TAF1C: variants seen among roughly 807,000 people sequenced by gnomAD.
TAF1C encodes TATA-box binding protein associated factor, RNA polymerase I subunit C.
Under a neutral mutation model 70.5 loss-of-function variants are expected in TAF1C, and 79 were observed. The ratio of observed to expected loss-of-function variants is 1.12; its 90% CI spans 0.93 to 1.35. The LOEUF (loss-of-function observed/expected upper bound fraction) is 1.35. Ranked by LOEUF, TAF1C falls within the 40% of genes most tolerant of loss-of-function variation. The pLI, the probability that TAF1C is intolerant of heterozygous loss-of-function variation, is 0.00. For synonymous variants in TAF1C, 614 were observed against 491.1 expected, an observed-to-expected ratio of 1.25 and a Z score of -3.31; for missense variants, 1,412 against 1,127.8, an observed-to-expected ratio of 1.25 and a Z score of -3.61.
chr16:84,185,967 A>G (rs983767968), intron 1 of TAF1C, among the ~76,000 whole-genome samples: 1 of 152,254 alleles, frequency 6.6e-6, no homozygotes, highest in Non-Finnish European at 1.5e-5. Context: ...GAGCAGCCAT[A>G]GCATCCCTCC....
chr16:84,183,671 T>A, intron 3 of TAF1C, 26 bp downstream of exon 3: 1 of 1,600,334 alleles, frequency 6.2e-7, no homozygotes, highest in East Asian at 2.2e-5. Context: ...CAGTGTGGAG[T>A]GAGCCCGGGG....
rs116551890 is a variant in TAF1C at position 84,181,757 on chromosome 16, C to T, written c.945G>A (p.Gly315=). 2,424 of 1,614,058 alleles carry T rather than the reference C, an allele frequency of 1.5e-3. 27 individuals carry two copies. In the African/African-American group the frequency reaches 0.028, roughly 19 times the overall value. ...QAMQVEKGAT[G]ISLSPHLPGE... ...CTGACCCCCCTCACCTGAGGCTGAT[C>T]CCCGTGGCCCCTTTCTCCACCTGCA... The change falls in exon 9 of 15, where the codon GGG becomes GGA. Residue 315 remains glycine (G), a synonymous_variant. Coordinates refer to ENST00000566732, the MANE Select transcript of TAF1C (RefSeq NM_001243156.2).
Position 84,181,088 on chromosome 16 carries a change from G to C in TAF1C, c.1263C>G (p.Ser421=), listed in dbSNP as rs775185382. ...RVLLTQYLGH[S]SPKCLPPTLH... The stretch of plus-strand genomic sequence containing the variant: ...GAGTAGGGGGGAGGCATTTGGGGCT[G>C]GAGTGCCCCAGGTACTGGGTAAGCA... Residue 421 remains serine, a synonymous_variant, in exon 12 of 15, where the codon TCC becomes TCG. Transcript: ENST00000566732. 1.2e-6 allele frequency: 2 copies of C among 1,612,694 alleles called. No homozygotes were observed. The highest frequency in any genetic ancestry group is 1.1e-5 in the South Asian group (1 of 91,068).
Position 84,181,747 on chromosome 16 carries a change from T to A in TAF1C, c.955A>T (p.Ser319Cys). ...ACCGACCAACCTGACCCCCCTCACC[T>A]GAGGCTGATCCCCGTGGCCCCTTTC... ...VEKGATGISL[S>C]PHLPGELAIC... The change falls in exon 9 of 15, where the codon AGC (serine) becomes TGC (cysteine). Residue 319 changes from serine to cysteine, a missense_variant and splice_region_variant. Ser to Cys is a moderately radical substitution (Grantham distance 112). Coordinates refer to ENST00000566732, the MANE Select transcript of TAF1C (RefSeq NM_001243156.2). 6.2e-7 allele frequency: 1 copy of A among 1,613,976 alleles called. No individual in the cohort carries two copies. The highest frequency in any genetic ancestry group is 1.1e-5 in the South Asian group (1 of 91,076).
At position 84,180,196 on chromosome 16, in the gene TAF1C, C is replaced by T. The variant is rs2089062995; in HGVS notation, c.1457G>A (p.Gly486Glu). 3.2e-6 allele frequency: 5 copies of T among 1,542,118 alleles called. No individual in the cohort carries two copies. Among genetic ancestry groups the T allele is most frequent in the Admixed American group, 2.3e-5 (1 of 43,266 alleles). Residue 486 changes from glycine to glutamate, a missense_variant, in exon 13 of 15, where the codon GGG becomes GAG. By Grantham distance (98) the Gly-to-Glu change is moderately conservative (BLOSUM62 -2). Coordinates refer to ENST00000566732, the MANE Select transcript of TAF1C (RefSeq NM_001243156.2). ...TGCCAGGTGCAGCAGCTGCAGCTGC[C>T]CACCCTGGCCTCCGAGGAGCAGGGG... ...VQPLLLGGQGGQLQLLHLAGE... is the reference protein window; with the variant it reads ...VQPLLLGGQGEQLQLLHLAGE...
In TAF1C at chr16:84,179,517, C is replaced by G. The variant is rs772339625; in HGVS notation, c.1956G>C (p.Arg652=). ...CCATGGCCTTGCGGAGCACACCCAG[C>G]CGCTGCCCTTCCTCTTCCTCCCTCC... ...ELRREEEEGQ[R]LGVLRKAMAR... Residue 652 remains arginine (R), a synonymous_variant, in exon 15 of 15, where the codon CGG becomes CGC. Coordinates refer to ENST00000566732, the MANE Select transcript of TAF1C (RefSeq NM_001243156.2). The G allele has an allele frequency of 2.5e-6, 4 of 1,604,294 alleles. No individual in the cohort carries two copies. The Admixed American group carries it at 5.0e-5, about 20-fold the overall frequency.
intron 3 of TAF1C, 59 bp downstream of exon 3, chr16:84,183,638 A>T (rs1168072177): frequency 7.0e-6 from 11 of 1,560,846 alleles, no homozygotes; most frequent in Non-Finnish European, 8.8e-6. Flanking sequence ...CAGGAGCGGG[A>T]GCAGTGGGAA....
chr16:84,184,861 T>C lies in TAF1C; in HGVS notation c.128A>G (p.Gln43Arg), dbSNP rs374665495. The C allele has an allele frequency of 1.9e-6, 3 of 1,606,128 alleles. No homozygotes were observed. Among genetic ancestry groups the C allele is most frequent in the Non-Finnish European group, 2.5e-6 (3 of 1,176,634 alleles). Residue 43 changes from glutamine (Q) to arginine (R), a missense_variant, in exon 2 of 15, where the codon CAG (glutamine) becomes CGG (arginine). Coordinates refer to ENST00000566732, the MANE Select transcript of TAF1C (RefSeq NM_001243156.2). ...TGCCTGCATCCTCACCTCTGAGTTC[T>C]GGGGCTGGGCCTCTGGCAGAGTCAG... ...DALTLPEAQP[Q>R]NSENGALHVT...
In TAF1C at chr16:84,179,381, C is replaced by A. The variant is rs138589947; in HGVS notation, c.2092G>T (p.Ala698Ser). 9.0e-5 allele frequency: 144 copies of A among 1,599,192 alleles called. No individual in the cohort carries two copies. The highest frequency in any genetic ancestry group is 1.2e-4 in the Non-Finnish European group (138 of 1,178,456). ...EDKLSERLGEAWAGRGAAWWE... is the reference protein window; with the variant it reads ...EDKLSERLGESWAGRGAAWWE... ...CAGGCAGCCCCTCGGCCTGCCCAGG[C>A]TTCCCCCAGGCGCTCACTGAGCTTG... Residue 698 changes from alanine (A) to serine (S), a missense_variant, in exon 15 of 15, where the codon GCC becomes TCC. By Grantham distance (99) the Ala-to-Ser change is moderately conservative. Coordinates refer to ENST00000566732, the MANE Select transcript of TAF1C (RefSeq NM_001243156.2).
rs199743201 is a variant in TAF1C at position 84,180,057 on chromosome 16, C to T, written c.1510G>A (p.Ala504Thr). The T allele has an allele frequency of 6.2e-7, 1 of 1,604,014 alleles. No individual in the cohort carries two copies. Among genetic ancestry groups the T allele is most frequent in the East Asian group, 2.2e-5 (1 of 44,864 alleles). ...AGEGASVPRL[A>T]GPPQSLPSRI... ...GAAGGAAGAGACTGGGGGGGGCCTG[C>T]CAGGCGGGGCACCGACGCCCCTTCT... The change falls in exon 14 of 15, where the codon GCA becomes ACA. Residue 504 changes from alanine (A) to threonine (T), a missense_variant. Physicochemically the swap from Ala to Thr is moderately conservative, Grantham distance 58 (BLOSUM62 0). Transcript: ENST00000566732.
At chr16:84,184,725 T>C in intron 2 of TAF1C, 126 bp downstream of exon 2, 1 of 1,231,426 alleles carries the variant, frequency 8.1e-7, no homozygotes, top group East Asian at 2.6e-5. Flanking sequence ...TGGCAGAGCC[T>C]GTGTCTCAGC....
Position 84,182,281 on chromosome 16 carries a change from G to A in TAF1C, c.642C>T (p.Gly214=), listed in dbSNP as rs569081903. 1.1e-5 allele frequency: 18 copies of A among 1,612,966 alleles called. No individual in the cohort carries two copies. The highest frequency in any genetic ancestry group is 3.3e-5 in the South Asian group (3 of 91,078). Residue 214 remains glycine, a synonymous_variant, in exon 7 of 15, where the codon GGC becomes GGT. Coordinates refer to ENST00000566732, the MANE Select transcript of TAF1C (RefSeq NM_001243156.2). The surrounding 1 kb of genome is among the most constrained non-coding windows in gnomAD (Gnocchi z 5.0). ...TCCTTCCAGGAACCCAGGCCAGCGC[G>A]CCCCCAGTGCAGGCCTCATCCAGAA... ...QLLLDEACTG[G]ALAWVPGRTP...
chr16:84,184,415 A>G (rs4150128), intron 2 of TAF1C, among the ~76,000 whole-genome samples: 485 of 152,310 alleles, frequency 3.2e-3, no homozygotes, highest in Non-Finnish European at 4.7e-3. Context: ...TTCCAAGCAA[A>G]GGGCCAGTGT....
intron 2 of TAF1C, among the ~76,000 whole-genome samples, chr16:84,184,485 C>G (rs1430055566): frequency 6.6e-6 from 1 of 152,238 alleles, no homozygotes; most frequent in African/African-American, 2.4e-5. Context: ...CCCTACTATG[C>G]TGTTTCAGCA....
In TAF1C at chr16:84,179,985, G is replaced by A. The variant is rs1279399558; in HGVS notation, c.1582C>T (p.Gln528Ter). 2 of 1,612,524 alleles carry A rather than the reference G, an allele frequency of 1.2e-6. No individual in the cohort carries two copies. Among genetic ancestry groups the A allele is most frequent in the South Asian group, 1.1e-5 (1 of 91,074 alleles). ...PAFPLLEPKIQWRLQERLKAP... is the reference protein window; with the variant it reads ...PAFPLLEPKI ...TTCAGGCGCTCCTGCAGCCGCCACTGGATCTTAGGCTCCAGCAGAGGAAAT... is the reference window on the plus strand; with the variant it reads ...TTCAGGCGCTCCTGCAGCCGCCACTAGATCTTAGGCTCCAGCAGAGGAAAT... The change falls in exon 14 of 15, where the codon CAG (glutamine) becomes TAG (stop). Residue 528 changes from glutamine to a stop codon, truncating the protein, a stop_gained. Coordinates refer to ENST00000566732, the MANE Select transcript of TAF1C (RefSeq NM_001243156.2). LOFTEE classifies it low-confidence loss of function (END_TRUNC).
At chr16:84,180,851 A>C in intron 12 of TAF1C, 192 bp downstream of exon 12, 5 of 1,389,308 alleles carry the variant, frequency 3.6e-6, no homozygotes, top group Non-Finnish European at 2.8e-6. Flanking sequence ...AGGCCCTGGG[A>C]GAGCTTCCCC....
chr16:84,186,200 C>T (rs1475507084), intron 1 of TAF1C, among the ~76,000 whole-genome samples: 2 of 152,222 alleles, frequency 1.3e-5, no homozygotes, highest in African/African-American at 2.4e-5. Flanking sequence ...GAGCTCCGAA[C>T]CAGTGCTCTC....
At position 84,179,021 on chromosome 16, in the gene TAF1C, G is replaced by A. The variant is rs143658217; in HGVS notation, c.2452C>T (p.Arg818Trp). The A allele has an allele frequency of 3.5e-5, 57 of 1,610,506 alleles. No homozygotes were observed. Among genetic ancestry groups the A allele is most frequent in the South Asian group, 3.1e-4 (28 of 91,074 alleles). The change falls in exon 15 of 15, where the codon CGG becomes TGG. Residue 818 changes from arginine to tryptophan, a missense_variant. Arg to Trp is a moderately radical substitution (Grantham distance 101, BLOSUM62 -3). Transcript: ENST00000566732. ...GTGTGCTGCTGGGAGCGAGTGGCCCGGACGCTGGAGGCCTGGGAGTGGGGA... is the reference window on the plus strand; with the variant it reads ...GTGTGCTGCTGGGAGCGAGTGGCCCAGACGCTGGAGGCCTGGGAGTGGGGA... ...TPPHSQASSV[R>W]ATRSQQHTPV... is the part of the protein sequence containing the mutation.
chr16:84,179,746 T>A lies in TAF1C; in HGVS notation c.1727A>T (p.Gln576Leu), dbSNP rs200215727. The change falls in exon 15 of 15, where the codon CAG becomes CTG. Residue 576 changes from glutamine to leucine, a missense_variant. Physicochemically the swap from Gln to Leu is moderately radical, Grantham distance 113. Coordinates refer to ENST00000566732, the MANE Select transcript of TAF1C (RefSeq NM_001243156.2). ...ATCTCTGCGGAGGCTGGAGTCCACC[T>A]GGGGGCGGAGCTGCTGGTAGAAGAC... The part of the protein sequence containing the change: ...GDVFYQQLRP[Q>L]VDSSLRRDAG... The A allele has an allele frequency of 6.2e-7, 1 of 1,610,678 alleles. No individual in the cohort carries two copies. The highest frequency in any genetic ancestry group is 1.3e-5 in the African/African-American group (1 of 74,866).
Sources: gnomAD v4.1 joint callset for allele counts (sites outside exome capture counted in the v4.1 genomes callset) on GRCh38, gnomAD v4.1.1 for gene constraint, Gnocchi (gnomAD v3.1) non-coding constraint, MANE v1.5 for transcripts, NCBI Gene and HGNC (gene_info 2026-07-23, HGNC 2026-07-21) for gene names.